Variants in CPNE4 observed in about 807,000 individuals in gnomAD.
CPNE4 encodes copine 4, also known as copine-4.
A neutral mutation model predicts 67.9 loss-of-function variants in CPNE4; 25 were observed. That is an observed-to-expected ratio of 0.37 (90% CI 0.27 to 0.51). CPNE4 has a LOEUF of 0.51. Among genes scored for constraint, CPNE4 ranks in the 20% least tolerant of loss-of-function variants. The pLI, the probability that CPNE4 is intolerant of heterozygous loss-of-function variation, is 0.93. For missense variants in CPNE4, 464 were observed against 690.8 expected (o/e 0.67, Z 3.68); for synonymous variants, 242 against 244.9 (o/e 0.99, Z 0.11).
intron 7 of CPNE4, among the ~76,000 whole-genome samples, chr3:131,591,908 A>C (rs1467964444): frequency 6.6e-6 from 1 of 152,206 alleles, no homozygotes; most frequent in East Asian, 1.9e-4. Context: ...AATCAATAAG[A>C]AGGCCTTGAC....
intron 1 of CPNE4, among the ~76,000 whole-genome samples, chr3:131,915,762 C>A (rs2089158987): frequency 6.6e-5 from 10 of 152,146 alleles, no homozygotes; most frequent in Admixed American, 6.5e-4. Context: ...GCAGAAATCT[C>A]ATTTCCTGAA....
At chr3:131,751,920 C>T (rs1040245390) in intron 2 of CPNE4, among the ~76,000 whole-genome samples, 1 of 152,112 alleles carries the variant, frequency 6.6e-6, no homozygotes, top group Non-Finnish European at 1.5e-5. Flanking sequence ...CTTATTACTG[C>T]TGGGCAGGAA....
At chr3:131,943,057 A>G (rs2071446236) in intron 1 of CPNE4, among the ~76,000 whole-genome samples, 1 of 152,198 alleles carries the variant, frequency 6.6e-6, no homozygotes, top group Admixed American at 6.5e-5. Flanking sequence ...ATGGAAATCC[A>G]GAAGCTTTGG....
At chr3:131,674,736 TTTTC>T (rs2080516156) in intron 6 of CPNE4, among the ~76,000 whole-genome samples, 1 of 151,884 alleles carries the variant, frequency 6.6e-6, no homozygotes, top group Admixed American at 6.6e-5. Flanking sequence ...GTTTTATCAA[TTTTC>T]TTTATCTTTT....
Position 131,779,833 on chromosome 3 carries a change from T to C in CPNE4, c.181-56208A>G, listed in dbSNP as rs554484649. On this transcript the variant is annotated intron_variant, in intron 2 of 15. Transcript: ENST00000429747. ...CACAAAAAAACCCCACAACAATTGA[T>C]AAGTGGGACATAATTAAACTAAAGA... Among the ~76,000 whole-genome samples the C allele has an allele frequency of 4.6e-5, 7 of 152,052 alleles. No homozygotes were observed. In the South Asian group the frequency reaches 1.5e-3, roughly 32 times the overall value.
At position 131,552,450 on chromosome 3, in the gene CPNE4, T is replaced by C. The variant is rs1559884799; in HGVS notation, c.1158A>G (p.Pro386=). The change falls in exon 13 of 16, where the codon CCA becomes CCG. Residue 386 remains proline, a synonymous_variant. Transcript: ENST00000429747. ...CACGTTGTGCTTTACCTGCACATTC[T>C]GGGTTGTCTTCATTAAAGTTGATTG... The part of the protein sequence containing the change: ...DFAINFNEDN[P]ECAGIQGVVE... The C allele has an allele frequency of 1.9e-6, 3 of 1,612,658 alleles. No homozygotes were observed. The highest frequency in any genetic ancestry group is 1.7e-6 in the Non-Finnish European group (2 of 1,179,138).
At position 131,862,976 on chromosome 3, in the gene CPNE4, A is replaced by G. The variant is rs569096741; in HGVS notation, c.180+42288T>C. Among the ~76,000 whole-genome samples the G allele has an allele frequency of 1.0e-3, 132 of 127,494 alleles. 1 individual carries two copies. Among genetic ancestry groups the G allele is most frequent in the Non-Finnish European group, 2.0e-3 (109 of 55,212 alleles). The allele number at this position is 127,494 out of a possible 152,430, so 83.6% of individuals were successfully genotyped here. A position where few individuals can be genotyped will look rare whatever the true frequency, so the allele number is the denominator to read the frequency against. On this transcript the variant is annotated intron_variant, in intron 2 of 15. Transcript: ENST00000429747. ...ATGCGGTGTTTGGTTTTTTGTCCTT[A>G]TGATAGTTTGCTGAGAATGATGGTT...
intron 1 of CPNE4, among the ~76,000 whole-genome samples, chr3:131,940,246 A>C (rs536497061): frequency 1.1e-4 from 16 of 152,258 alleles, no homozygotes; most frequent in African/African-American, 3.8e-4. Context: ...TAATGTATGA[A>C]TCTTCTAGAT....
intron 1 of CPNE4, among the ~76,000 whole-genome samples, chr3:131,920,206 C>T (rs1238530229): frequency 1.3e-5 from 2 of 152,162 alleles, no homozygotes; most frequent in African/African-American, 4.8e-5. Flanking sequence ...CTGTAAATTG[C>T]TCTATTCTCA....
intron 6 of CPNE4, among the ~76,000 whole-genome samples, chr3:131,673,682 G>T (rs1379384218): frequency 3.3e-5 from 5 of 151,936 alleles, no homozygotes; most frequent in Non-Finnish European, 5.9e-5. Context: ...CTGCAACTTT[G>T]CTGAGTTTAT....
At chr3:131,681,881 T>C (rs370456378) in intron 6 of CPNE4, among the ~76,000 whole-genome samples, 1 of 151,814 alleles carries the variant, frequency 6.6e-6, no homozygotes, top group Non-Finnish European at 1.5e-5. Flanking sequence ...AAGCTAATTC[T>C]TTCTTCTGCT....
intron 7 of CPNE4, among the ~76,000 whole-genome samples, chr3:131,662,001 T>C (rs963793848): frequency 1.3e-5 from 2 of 152,108 alleles, no homozygotes; most frequent in African/African-American, 4.8e-5. Flanking sequence ...TTGGGATCAA[T>C]GCCAAGGATT....
intron 2 of CPNE4, among the ~76,000 whole-genome samples, chr3:131,835,145 TGTGA>T (rs1468317038): frequency 6.6e-6 from 1 of 152,176 alleles, no homozygotes; most frequent in Non-Finnish European, 1.5e-5. Flanking sequence ...AAGCCTTGAC[TGTGA>T]GTTCCCTATA....
chr3:131,805,567 A>G (rs1469907111), intron 2 of CPNE4, among the ~76,000 whole-genome samples: 3 of 152,214 alleles, frequency 2.0e-5, no homozygotes, highest in African/African-American at 7.2e-5. Flanking sequence ...TGAAGTTGCA[A>G]CTAGACATTA....
chr3:131,890,464 G>A (rs1190845903), intron 2 of CPNE4, among the ~76,000 whole-genome samples: 1 of 151,102 alleles, frequency 6.6e-6, no homozygotes, highest in Non-Finnish European at 1.5e-5. Flanking sequence ...GTGAGATTGT[G>A]GAGAAATTAG....
intron 14 of CPNE4, among the ~76,000 whole-genome samples, chr3:131,543,830 G>A (rs1935661387): frequency 6.6e-6 from 1 of 152,198 alleles, no homozygotes; most frequent in South Asian, 2.1e-4. Flanking sequence ...AAAGGTGGCA[G>A]CTCTTCTCCA....
chr3:131,866,545 T>C (rs1437697874), intron 2 of CPNE4, among the ~76,000 whole-genome samples: 2 of 152,174 alleles, frequency 1.3e-5, no homozygotes, highest in South Asian at 2.1e-4. Context: ...AAGAGCACCA[T>C]TGCATGGCCA....
intron 13 of CPNE4, among the ~76,000 whole-genome samples, chr3:131,552,207 G>T (rs1936220119): frequency 6.6e-6 from 1 of 151,728 alleles, no homozygotes; most frequent in South Asian, 2.1e-4. Flanking sequence ...CAACATTATT[G>T]CCATACACTC....
chr3:131,757,329 T>C (rs561132451), intron 2 of CPNE4, among the ~76,000 whole-genome samples: 2 of 152,314 alleles, frequency 1.3e-5, no homozygotes, highest in Non-Finnish European at 2.9e-5. Context: ...CAGATGGAGA[T>C]GAGGAACTTG....
Sources: gnomAD v4.1 joint callset for allele counts (sites outside exome capture counted in the v4.1 genomes callset) on GRCh38, gnomAD v4.1.1 for gene constraint, MANE v1.5 for transcripts, NCBI Gene and HGNC (gene_info 2026-07-23, HGNC 2026-07-21) for gene names.